Variants in CENPI observed in about 807,000 individuals in gnomAD.
CENPI encodes FSH primary response 1.
In CENPI, 4 loss-of-function variants were observed where a neutral mutation model predicts 60.4. The observed-to-expected ratio is 0.07, with a 90% CI of 0.03 to 0.15. The LOEUF is 0.15. Ranked by LOEUF, CENPI falls within the 10% of genes least tolerant of loss-of-function variation. The pLI, the probability that CENPI is intolerant of heterozygous loss-of-function variation, is 1.00. For missense variants in CENPI, 444 were observed against 534.5 expected, an observed-to-expected ratio of 0.83 and a Z score of 1.67; for synonymous variants, 157 against 189.4, an observed-to-expected ratio of 0.83 and a Z score of 1.40.
intron 20 of CENPI, among the ~76,000 whole-genome samples, chrX:101,149,796 C>T (rs867456924): frequency 9.9e-5 from 11 of 110,795 alleles, no homozygotes; most frequent in Middle Eastern, 4.6e-3. Context: ...CATGAGCCAC[C>T]GCGCCCGGCC....
intron 20 of CENPI, among the ~76,000 whole-genome samples, chrX:101,158,168 G>A (rs1429364815): frequency 9.1e-6 from 1 of 109,732 alleles, no homozygotes; most frequent in Non-Finnish European, 1.9e-5. Flanking sequence ...ATCCCATTGT[G>A]TATATCTACC....
In CENPI at chrX:101,101,297, G is replaced by C; in HGVS notation, c.226+1G>C. 2 of 1,131,993 alleles carry C rather than the reference G, an allele frequency of 1.8e-6. No homozygotes were observed. The highest frequency in any genetic ancestry group is 2.4e-6 in the Non-Finnish European group (2 of 824,802). 93.3% of individuals were successfully genotyped at this position (1,131,993 alleles called of 1,213,427 possible). A position where few individuals can be genotyped will look rare whatever the true frequency, so the allele number is the denominator to read the frequency against. On this transcript the variant is annotated splice_donor_variant, in intron 3 of 21. Transcript: ENST00000682095. LOFTEE classifies it high-confidence loss of function. ...ATGGCAGTGGGATATTTTGAGAAAG[G>C]TAAAGGTGGATTGTTTTCCTTATGA...
At chrX:101,162,455 C>T (rs56396489) in intron 21 of CENPI, among the ~76,000 whole-genome samples, 1 of 53,970 alleles carries the variant, frequency 1.9e-5, no homozygotes, top group Non-Finnish European at 3.1e-5. Context: ...AACCGTATCT[C>T]AAAAAAAAAA....
intron 9 of CENPI, 146 bp downstream of exon 9, chrX:101,126,944 A>T (rs2089742559): frequency 1.6e-6 from 1 of 606,867 alleles, no homozygotes; most frequent in Non-Finnish European, 2.5e-6. Context: ...GTTTTTTTTT[A>T]GGAATTGGTA....
At chrX:101,172,119 C>G in the CENPI span, among the ~76,000 whole-genome samples, 1 of 111,512 alleles carries the variant, frequency 9.0e-6, no homozygotes, top group Non-Finnish European at 1.9e-5. Context: ...AACTTCATAC[C>G]CTGTAAGATA....
In CENPI at chrX:101,128,817, G is replaced by C; in HGVS notation, c.1176G>C (p.Leu392Phe). ...EPVLLRFYYWLSQTLQEECIW... is the reference protein window; with the variant it reads ...EPVLLRFYYWFSQTLQEECIW... Reference sequence around the variant, plus strand: ...TCTTGCTGAGGTTTTATTACTGGTTGAGTCAAACATTACAAGAAGGTAAGA... The same window carrying C: ...TCTTGCTGAGGTTTTATTACTGGTTCAGTCAAACATTACAAGAAGGTAAGA... Residue 392 changes from leucine to phenylalanine, a missense_variant, in exon 12 of 22, where the codon TTG becomes TTC. Transcript: ENST00000682095. The C allele has an allele frequency of 8.3e-7, 1 of 1,209,406 alleles. No homozygotes were observed. Among genetic ancestry groups the C allele is most frequent in the Non-Finnish European group, 1.1e-6 (1 of 893,687 alleles).
chrX:101,169,866 A>G (rs1375620942), downstream of CENPI, among the ~76,000 whole-genome samples: 1 of 112,461 alleles, frequency 8.9e-6, no homozygotes, highest in African/African-American at 3.2e-5. Context: ...GTGAAAAATT[A>G]GAAATAAGCT....
At chrX:101,170,650 T>G (rs191492084), downstream of CENPI, among the ~76,000 whole-genome samples, 10 of 112,006 alleles carry the variant, frequency 8.9e-5, no homozygotes, top group East Asian at 2.8e-3. Flanking sequence ...TTCTTTTTTC[T>G]TTGAGACAGG....
intron 20 of CENPI, among the ~76,000 whole-genome samples, chrX:101,159,286 C>T (rs758568739): frequency 4.0e-4 from 44 of 109,612 alleles, no homozygotes; most frequent in African/African-American, 1.4e-3. Flanking sequence ...CTCAGCCTCC[C>T]GAGTAGCTGG....
intron 21 of CENPI, among the ~76,000 whole-genome samples, chrX:101,162,396 A>G (rs1193478635): frequency 9.7e-6 from 1 of 102,739 alleles, no homozygotes; most frequent in African/African-American, 3.6e-5. Context: ...CGAGGCTACA[A>G]TGAGCTGTGA....
chrX:101,173,998 C>G, the CENPI span, among the ~76,000 whole-genome samples: 201 of 112,012 alleles, frequency 1.8e-3, 2 homozygotes, highest in African/African-American at 6.1e-3. Flanking sequence ...AAAAAATGCT[C>G]AACATCACTA....
At chrX:101,181,388 C>A in the CENPI span, among the ~76,000 whole-genome samples, 5 of 112,281 alleles carry the variant, frequency 4.5e-5, no homozygotes, top group East Asian at 2.8e-4. Context: ...AACTGTAGAT[C>A]ACTTTGGAAA....
At chrX:101,151,612 A>T (rs2090007207) in intron 20 of CENPI, among the ~76,000 whole-genome samples, 1 of 111,174 alleles carries the variant, frequency 9.0e-6, no homozygotes, top group Non-Finnish European at 1.9e-5. Context: ...CGGGCAGATC[A>T]CTTGAGGTCA....
intron 11 of CENPI, among the ~76,000 whole-genome samples, chrX:101,128,406 G>A (rs1446127582): frequency 3.6e-5 from 4 of 111,556 alleles, no homozygotes; most frequent in African/African-American, 6.5e-5. Context: ...GCTGAGGCAC[G>A]AGAATCGCTT....
chrX:101,158,875 C>T (rs1368228483), intron 20 of CENPI, among the ~76,000 whole-genome samples: 1 of 111,345 alleles, frequency 9.0e-6, no homozygotes, highest in East Asian at 2.8e-4. Flanking sequence ...AAGCGATCCA[C>T]CCGCCTCGGC....
chrX:101,146,056 G>A, intron 17 of CENPI, 97 bp from the exon 18 acceptor site: 1 of 745,973 alleles, frequency 1.3e-6, no homozygotes, highest in Non-Finnish European at 1.9e-6. Flanking sequence ...CTAATGTTAT[G>A]TTATTGCTTA....
intron 15 of CENPI, among the ~76,000 whole-genome samples, chrX:101,138,930 T>C (rs1310662983): frequency 9.4e-6 from 1 of 106,149 alleles, no homozygotes; most frequent in African/African-American, 3.4e-5. Flanking sequence ...ATGGCCAAGA[T>C]TTTTGTTTTC....
At chrX:101,109,075 G>GGT (rs2089521539) in intron 4 of CENPI, among the ~76,000 whole-genome samples, 1 of 47,318 alleles carries the variant, frequency 2.1e-5, no homozygotes. Flanking sequence ...GAGGTGTGGT[G>GGT]TTTTTTTTTT....
At chrX:101,170,131 C>G (rs1324016966), downstream of CENPI, among the ~76,000 whole-genome samples, 1 of 111,861 alleles carries the variant, frequency 8.9e-6, no homozygotes, top group Non-Finnish European at 1.9e-5. Flanking sequence ...AGAGCAACTT[C>G]TAGTCCTGTA....
Sources: gnomAD v4.1 joint callset for allele counts (sites outside exome capture counted in the v4.1 genomes callset) on GRCh38, gnomAD v4.1.1 for gene constraint, MANE v1.5 for transcripts, NCBI Gene and HGNC (gene_info 2026-07-23, HGNC 2026-07-21) for gene names.